Variants in TENM1 observed in about 807,000 individuals in gnomAD.
The protein encoded by TENM1 is teneurin-1.
In TENM1, 35 loss-of-function variants were observed where a neutral mutation model predicts 174.8. The observed-to-expected ratio is 0.20, with a 90% CI of 0.15 to 0.27. The LOEUF (loss-of-function observed/expected upper bound fraction) is 0.27, where lower values mean the gene tolerates loss of function less well. Ranked by LOEUF, TENM1 falls within the 10% of genes least tolerant of loss-of-function variation. TENM1 has a pLI of 1.00. For synonymous variants in TENM1, 781 were observed against 798.7 expected (o/e 0.98, Z 0.37); for missense variants, 1,633 against 2,130.1 (o/e 0.77, Z 4.59).
At chrX:124,824,135 A>G (rs1324665739) in intron 3 of TENM1, among the ~76,000 whole-genome samples, 1 of 111,785 alleles carries the variant, frequency 8.9e-6, no homozygotes, top group Admixed American at 9.5e-5. Context: ...ACAAAATGTT[A>G]GGGTGAAATA....
At chrX:125,040,346 A>G in the TENM1 span, among the ~76,000 whole-genome samples, 1 of 111,233 alleles carries the variant, frequency 9.0e-6, no homozygotes, top group South Asian at 3.7e-4. Context: ...AAACCTGGAT[A>G]TTTACCTGTC....
At chrX:124,384,830 A>G (rs2060200460) in exon 30 of TENM1, 1 of 1,204,215 alleles carries the variant, frequency 8.3e-7, no homozygotes, top group Non-Finnish European at 1.1e-6. Context: ...ACTGAATCTG[A>G]AAATCTGGCG....
chrX:124,768,346 A>G (rs1246245304), intron 3 of TENM1, among the ~76,000 whole-genome samples: 1 of 111,582 alleles, frequency 9.0e-6, no homozygotes, highest in African/African-American at 3.2e-5. Context: ...TGAATTCTTT[A>G]TACATTTCTC....
chrX:124,497,924 C>T (rs972180054), intron 19 of TENM1, among the ~76,000 whole-genome samples: 1 of 111,529 alleles, frequency 9.0e-6, no homozygotes, highest in African/African-American at 3.3e-5. Context: ...TCATCCATAC[C>T]CACGGCTTTA....
At chrX:125,004,003 T>A in the TENM1 span, among the ~76,000 whole-genome samples, 1 of 111,985 alleles carries the variant, frequency 8.9e-6, no homozygotes, top group African/African-American at 3.2e-5. Context: ...GTTAAGTTAA[T>A]CAATAATAGA....
rs1460753839 is a variant in TENM1, at chrX:124,470,727, T to C, written c.3949+11005A>G. ...TTTAGGTTTCTTCCTTGACTTACGGTATTGCCCCTTCAGCAGGTCTCCTGT... is the reference window on the plus strand; with the variant it reads ...TTTAGGTTTCTTCCTTGACTTACGGCATTGCCCCTTCAGCAGGTCTCCTGT... On this transcript the variant is annotated intron_variant, in intron 22 of 31. Coordinates refer to ENST00000422452, the Ensembl canonical transcript of TENM1. Among the ~76,000 whole-genome samples the C allele has an allele frequency of 3.6e-5, 4 of 110,628 alleles. No individual in the cohort carries two copies. In the South Asian group the frequency reaches 1.2e-3, roughly 32 times the overall value.
exon 32 of TENM1, chrX:124,381,045 C>A: frequency 8.3e-7 from 1 of 1,211,878 alleles, no homozygotes; most frequent in Non-Finnish European, 1.1e-6. Context: ...AGGTAATGGG[C>A]ATTATTGAGA....
the TENM1 span, among the ~76,000 whole-genome samples, chrX:125,112,726 T>G: frequency 5.9e-3 from 663 of 111,762 alleles, 3 homozygotes; most frequent in Middle Eastern, 0.023. Flanking sequence ...TTTTAAAAAT[T>G]TGTTATTATA....
At chrX:124,615,389 G>A (rs973582716) in intron 11 of TENM1, among the ~76,000 whole-genome samples, 1 of 111,847 alleles carries the variant, frequency 8.9e-6, no homozygotes, top group Non-Finnish European at 1.9e-5. Context: ...GGTGCTTCAT[G>A]ACTGGGGAAA....
At chrX:125,013,789 T>C in the TENM1 span, among the ~76,000 whole-genome samples, 2 of 111,982 alleles carry the variant, frequency 1.8e-5, no homozygotes, top group East Asian at 2.8e-4. Context: ...CTACAGTTAA[T>C]TGGCAGGCAA....
At chrX:125,037,534 G>T in the TENM1 span, among the ~76,000 whole-genome samples, 1 of 110,342 alleles carries the variant, frequency 9.1e-6, no homozygotes, top group Non-Finnish European at 1.9e-5. Flanking sequence ...GGCCATACTG[G>T]GCCCTTGTTT....
At chrX:124,553,776 A>T (rs2048632830) in intron 14 of TENM1, among the ~76,000 whole-genome samples, 1 of 111,094 alleles carries the variant, frequency 9.0e-6, no homozygotes, top group South Asian at 3.8e-4. Flanking sequence ...ATGCATTGCT[A>T]TTTCCTCAAT....
chrX:124,981,875 G>GAACTAAAAATGTT, the TENM1 span, among the ~76,000 whole-genome samples: 1 of 51,315 alleles, frequency 1.9e-5, no homozygotes, highest in Non-Finnish European at 3.3e-5. Flanking sequence ...AAAAACAGGT[G>GAACTAAAAATGTT]CAGCGCACCA....
chrX:125,062,802 G>T, the TENM1 span, among the ~76,000 whole-genome samples: 1 of 111,795 alleles, frequency 8.9e-6, no homozygotes, highest in Non-Finnish European at 1.9e-5. Flanking sequence ...GCCAGCATGG[G>T]CACACTCTGA....
At chrX:124,950,710 G>C (rs184616135) in intron 1 of TENM1, among the ~76,000 whole-genome samples, 1 of 111,710 alleles carries the variant, frequency 9.0e-6, no homozygotes, top group East Asian at 2.8e-4. Flanking sequence ...TTTTAGCTGG[G>C]TAGGCTTAGT....
the TENM1 span, among the ~76,000 whole-genome samples, chrX:125,145,365 G>C: frequency 1.8e-5 from 2 of 112,189 alleles, no homozygotes; most frequent in Non-Finnish European, 3.8e-5. Flanking sequence ...AATCATCAAG[G>C]CTGTAAGCTA....
intron 3 of TENM1, among the ~76,000 whole-genome samples, chrX:124,889,623 A>T (rs980750019): frequency 2.0e-4 from 22 of 110,606 alleles, no homozygotes; most frequent in African/African-American, 6.3e-4. Flanking sequence ...TTATTTTTTT[A>T]AATTGTATTT....
intron 1 of TENM1, among the ~76,000 whole-genome samples, chrX:124,938,681 A>C (rs2058280803): frequency 8.9e-6 from 1 of 112,162 alleles, no homozygotes; most frequent in Non-Finnish European, 1.9e-5. Context: ...TTCATGCAGA[A>C]GACTACTGAG....
At chrX:124,743,045 T>C (rs751669612) in intron 3 of TENM1, among the ~76,000 whole-genome samples, 72 of 111,766 alleles carry the variant, frequency 6.4e-4, no homozygotes, top group East Asian at 1.7e-3. Flanking sequence ...TTAATGGTAT[T>C]TTACCTGTCA....
Sources: allele counts gnomAD v4.1 joint callset (sites outside exome capture counted in the v4.1 genomes callset), GRCh38; gene constraint gnomAD v4.1.1; transcripts MANE v1.5; gene names NCBI Gene and HGNC (gene_info 2026-07-23, HGNC 2026-07-21).